The following AOAH variants were observed in gnomAD, a reference collection of about 807,000 sequenced individuals.
AOAH encodes acyloxyacyl hydrolase (neutrophil).
A neutral mutation model predicts 92.2 loss-of-function variants in AOAH; 64 were observed. The observed-to-expected ratio is 0.69, with a 90% CI of 0.57 to 0.86. The LOEUF (loss-of-function observed/expected upper bound fraction) is 0.86. Among genes scored for constraint, AOAH ranks in the 40% least tolerant of loss-of-function variants. The pLI is 0.00. For synonymous variants in AOAH, 263 were observed against 254.5 expected (o/e 1.03, Z -0.32); for missense variants, 656 against 694.6 (o/e 0.94, Z 0.62).
chr7:36,583,391 T>C (rs533651457), intron 12 of AOAH, among the ~76,000 whole-genome samples: 34 of 152,292 alleles, frequency 2.2e-4, no homozygotes, highest in Admixed American at 9.1e-4. Context: ...CAGGCCAGCA[T>C]AGGGCCAGGG....
intron 19 of AOAH, among the ~76,000 whole-genome samples, chr7:36,529,049 T>G (rs959334146): frequency 6.6e-6 from 1 of 152,164 alleles, no homozygotes; most frequent in African/African-American, 2.4e-5. Context: ...TGGTACCTTT[T>G]CTGTGTACCA....
At position 36,623,134 on chromosome 7, in the gene AOAH, T is replaced by C. The variant is rs185464359; in HGVS notation, c.582+56A>G. On this transcript the variant is annotated intron_variant, in intron 7 of 20. Coordinates refer to ENST00000617537, the MANE Select transcript of AOAH (RefSeq NM_001637.4). The stretch of plus-strand genomic sequence containing the variant: ...GTCTTGTCTTATTAAAGGAAAGAAA[T>C]GTGTAGGAAGCAATGTGATGTTAGT... The C allele has an allele frequency of 9.5e-5, 134 of 1,407,280 alleles. No homozygotes were observed. The East Asian group carries it at 2.8e-3, about 29-fold the overall frequency. The allele number at this position is 1,407,280 out of a possible 1,614,324, so 87.2% of individuals were successfully genotyped here. A position where few individuals can be genotyped will look rare whatever the true frequency, so the allele number is the denominator to read the frequency against.
chr7:36,563,679 C>A (rs982697740), intron 13 of AOAH, among the ~76,000 whole-genome samples: 5 of 152,144 alleles, frequency 3.3e-5, no homozygotes, highest in African/African-American at 1.2e-4. Flanking sequence ...TCCTAAAATA[C>A]ATCTATTAAC....
chr7:36,514,223 G>A (rs1392583980), intron 20 of AOAH, among the ~76,000 whole-genome samples: 1 of 152,118 alleles, frequency 6.6e-6, no homozygotes, highest in Non-Finnish European at 1.5e-5. Context: ...GAGTTCCCTA[G>A]ATGGATGATG....
chr7:36,526,306 TCATCACATA>T (rs1356601934), intron 19 of AOAH, among the ~76,000 whole-genome samples: 2 of 152,216 alleles, frequency 1.3e-5, no homozygotes, highest in African/African-American at 4.8e-5. Flanking sequence ...GGGATATGGG[TCATCACATA>T]CATGTAGCCA....
chr7:36,705,092 G>C (rs145960848), intron 1 of AOAH, among the ~76,000 whole-genome samples: 1 of 152,144 alleles, frequency 6.6e-6, no homozygotes, highest in African/African-American at 2.4e-5. Context: ...ACAAGACAAG[G>C]ATGTGCTCTC....
At chr7:36,703,988 T>C (rs1384992154) in intron 1 of AOAH, among the ~76,000 whole-genome samples, 2 of 152,222 alleles carry the variant, frequency 1.3e-5, no homozygotes, top group Non-Finnish European at 2.9e-5. Context: ...CCTGACTTTT[T>C]AATGATCACC....
chr7:36,569,571 CTAT>C (rs1787975133), intron 13 of AOAH, among the ~76,000 whole-genome samples: 2 of 50,962 alleles, frequency 3.9e-5, no homozygotes, highest in African/African-American at 1.1e-4. Context: ...ATTTACATAT[CTAT>C]CTATCTATCT....
Position 36,659,189 on chromosome 7 carries a change from A to G in AOAH, c.367T>C (p.Cys123Arg). The change falls in exon 4 of 21, where the codon TGT becomes CGT. Residue 123 changes from cysteine to arginine, a missense_variant. Physicochemically the swap from Cys to Arg is radical, Grantham distance 180 (BLOSUM62 -3). Coordinates refer to ENST00000617537, the MANE Select transcript of AOAH (RefSeq NM_001637.4). ...FCKQNTGQPLCHLYPLPKETW... is the reference protein window; with the variant it reads ...FCKQNTGQPLRHLYPLPKETW... ...ACCTTGGGAAGAGGGTAGAGATGAC[A>G]CAATGGTTGGCCAGTGTTCTGTTTA... The G allele has an allele frequency of 6.2e-7, 1 of 1,613,988 alleles. No individual in the cohort carries two copies. The highest frequency in any genetic ancestry group is 1.1e-5 in the South Asian group (1 of 91,086).
At chr7:36,538,005 ATTCT>A (rs1374217170) in intron 16 of AOAH, among the ~76,000 whole-genome samples, 3 of 134,570 alleles carry the variant, frequency 2.2e-5, no homozygotes, top group Non-Finnish European at 4.8e-5. Context: ...CCATTCGTAC[ATTCT>A]TTTTTTTTTT....
intron 3 of AOAH, 61 bp from the exon 4 acceptor site, chr7:36,659,326 G>A: frequency 1.5e-6 from 2 of 1,365,838 alleles, no homozygotes; most frequent in Non-Finnish European, 2.1e-6. Context: ...GGAAACAGAA[G>A]CTACTGCAAA....
chr7:36,515,461 A>C (rs1583700746), intron 20 of AOAH, among the ~76,000 whole-genome samples: 1 of 71,178 alleles, frequency 1.4e-5, no homozygotes, highest in African/African-American at 5.5e-5. Flanking sequence ...CACACCACAC[A>C]CCACACCCCT....
intron 11 of AOAH, among the ~76,000 whole-genome samples, chr7:36,606,866 T>C (rs1231601173): frequency 6.6e-6 from 1 of 152,214 alleles, no homozygotes; most frequent in African/African-American, 2.4e-5. Flanking sequence ...GAAGGTCGAT[T>C]TGAACCTAAC....
At chr7:36,623,166 C>T in intron 7 of AOAH, 24 bp downstream of exon 7, 1 of 1,600,714 alleles carries the variant, frequency 6.2e-7, no homozygotes, top group Non-Finnish European at 8.6e-7. Context: ...TAGTGAACAT[C>T]TGGTTATTCC....
intron 13 of AOAH, among the ~76,000 whole-genome samples, chr7:36,569,623 T>TATCTATC (rs1562578761): frequency 2.9e-5 from 4 of 139,896 alleles, no homozygotes; most frequent in African/African-American, 1.1e-4. Context: ...ATCTATCTAT[T>TATCTATC]TTTTAGATGG....
chr7:36,722,730 C>A (rs567915917), intron 1 of AOAH, among the ~76,000 whole-genome samples: 2 of 151,812 alleles, frequency 1.3e-5, no homozygotes, highest in East Asian at 3.9e-4. Flanking sequence ...GTCAGGAGTT[C>A]GAGACCAGTG....
intron 19 of AOAH, among the ~76,000 whole-genome samples, chr7:36,522,528 A>T (rs1784158561): frequency 6.6e-6 from 1 of 152,248 alleles, no homozygotes; most frequent in Non-Finnish European, 1.5e-5. Flanking sequence ...GCATGTGTCA[A>T]GCACTTGCCT....
intron 1 of AOAH, among the ~76,000 whole-genome samples, chr7:36,688,329 A>T (rs1054740345): frequency 1.3e-5 from 2 of 152,190 alleles, no homozygotes; most frequent in African/African-American, 4.8e-5. Flanking sequence ...AAAAGATAAT[A>T]AACATCACTC....
chr7:36,631,913 G>A, intron 6 of AOAH, 123 bp downstream of exon 6: 1 of 727,948 alleles, frequency 1.4e-6, no homozygotes, highest in Non-Finnish European at 2.3e-6. Flanking sequence ...TTTTGAGAAA[G>A]AAACACTCTC....
Sources: allele counts gnomAD v4.1 joint callset (sites outside exome capture counted in the v4.1 genomes callset), GRCh38; gene constraint gnomAD v4.1.1; transcripts MANE v1.5; gene names NCBI Gene and HGNC (gene_info 2026-07-23, HGNC 2026-07-21).